Variants in DAOA observed in about 807,000 individuals in gnomAD.
DAOA encodes D-amino acid oxidase activator, also known as D-amino acid oxidase regulator.
DAOA carries 15 observed loss-of-function variants against 16.4 expected under a neutral mutation model. The observed-to-expected ratio is 0.91, with a 90% CI of 0.61 to 1.41. DAOA has a LOEUF of 1.41. Among genes scored for constraint, DAOA ranks in the 40% most tolerant of loss-of-function variants. The pLI is 0.00. For missense variants in DAOA, 230 were observed against 176.8 expected (o/e 1.30, Z -1.71); for synonymous variants, 75 against 59.1 (o/e 1.27, Z -1.23).
intron 4 of DAOA, among the ~76,000 whole-genome samples, chr13:105,483,323 T>A (rs1375279654): frequency 6.6e-6 from 1 of 152,192 alleles, no homozygotes; most frequent in African/African-American, 2.4e-5. Context: ...TGTGTAGAAG[T>A]CTTATAATGA....
At chr13:105,483,297 T>A (rs1877879166) in intron 4 of DAOA, among the ~76,000 whole-genome samples, 1 of 152,218 alleles carries the variant, frequency 6.6e-6, no homozygotes, top group South Asian at 2.1e-4. Flanking sequence ...CTGCTGTAAG[T>A]AAAGATGTGA....
intron 4 of DAOA, among the ~76,000 whole-genome samples, chr13:105,475,768 C>T (rs1298800698): frequency 6.6e-6 from 1 of 152,036 alleles, no homozygotes; most frequent in Non-Finnish European, 1.5e-5. Context: ...ATTTGAAATC[C>T]AATCATTTTT....
intron 4 of DAOA, among the ~76,000 whole-genome samples, chr13:105,480,845 A>C (rs1269474699): frequency 6.6e-6 from 1 of 152,126 alleles, no homozygotes; most frequent in African/African-American, 2.4e-5. Flanking sequence ...TCCTTCCTCT[A>C]TCTTATTCCA....
chr13:105,473,868 T>C lies in DAOA; in HGVS notation c.281+1183T>C, dbSNP rs1464367230. ...TAATCTTTTTGTACTACAGGAAAGC[T>C]ACTTAAATAAGCTCTACCATCTCTA... On this transcript the variant is annotated intron_variant, in intron 4 of 5. Transcript: ENST00000375936. Among the ~76,000 whole-genome samples the C allele has an allele frequency of 3.3e-5, 5 of 152,268 alleles. No individual in the cohort carries two copies. In the South Asian group the frequency reaches 1.0e-3, roughly 32 times the overall value.
In DAOA at chr13:105,490,146, CT is replaced by C; in HGVS notation, c.*66del. 1 of 1,499,458 alleles carries C rather than the reference CT, an allele frequency of 6.7e-7. No individual in the cohort carries two copies. The highest frequency in any genetic ancestry group is 1.4e-5 in the African/African-American group (1 of 71,678). The allele number at this position is 1,499,458 out of a possible 1,614,324, so 92.9% of individuals were successfully genotyped here. ...CAATGTAGTCTGGCCAACATCTTCA[CT>C]GGACTCTGACGGACTCTGTGTCTGG... is the stretch of plus-strand genomic sequence containing the variant. On this transcript the variant is annotated 3_prime_UTR_variant, in exon 5 of 6. Transcript: ENST00000375936.
At chr13:105,487,141 C>T (rs1011713772) in intron 4 of DAOA, among the ~76,000 whole-genome samples, 1 of 152,102 alleles carries the variant, frequency 6.6e-6, no homozygotes, top group Admixed American at 6.6e-5. Flanking sequence ...GAGAATAACA[C>T]AATTTTGCCA....
chr13:105,467,575 T>C (rs1876609387), intron 3 of DAOA: 1 of 135,384 alleles, frequency 7.4e-6, no homozygotes, highest in Non-Finnish European at 1.6e-5. Flanking sequence ...CAACGTTTAA[T>C]TCTTTTTCTT....
At chr13:105,472,866 A>T (rs1279224467) in intron 4 of DAOA, among the ~76,000 whole-genome samples, 181 bp downstream of exon 4, 2 of 152,216 alleles carry the variant, frequency 1.3e-5, no homozygotes, top group African/African-American at 4.8e-5. Context: ...TTTTAAAAGT[A>T]TCCACTGGCT....
intron 3 of DAOA, among the ~76,000 whole-genome samples, chr13:105,468,050 G>A (rs575165567): frequency 3.9e-5 from 6 of 152,176 alleles, no homozygotes; most frequent in South Asian, 4.1e-4. Context: ...GCCTTGGCTC[G>A]TGGCCTGCCC....
intron 2 of DAOA, 85 bp downstream of exon 2, chr13:105,466,417 G>T: frequency 1.3e-6 from 2 of 1,599,094 alleles, no homozygotes; most frequent in African/African-American, 1.3e-5. Flanking sequence ...CAGGGTGAAT[G>T]TTCCTGGAGA....
intron 4 of DAOA, among the ~76,000 whole-genome samples, chr13:105,478,945 T>G (rs1308838244): frequency 6.6e-6 from 1 of 152,226 alleles, no homozygotes; most frequent in East Asian, 1.9e-4. Context: ...TGTTGCTTTT[T>G]GTCTCACAGA....
chr13:105,483,734 CA>C lies in DAOA; in HGVS notation c.282-6164del, dbSNP rs1406991315. Among the ~76,000 whole-genome samples the C allele has an allele frequency of 2.0e-5, 3 of 151,760 alleles. No homozygotes were observed. In the East Asian group the frequency reaches 5.8e-4, roughly 29 times the overall value. The stretch of plus-strand genomic sequence containing the variant: ...GAGGTTTCTTTATACTTTCTGGATA[CA>C]AATCTTATATTAGATATAACCTTTG... On this transcript the variant is annotated intron_variant, in intron 4 of 5. Transcript: ENST00000375936.
chr13:105,474,807 T>G (rs1032998630), intron 4 of DAOA, among the ~76,000 whole-genome samples: 1 of 152,066 alleles, frequency 6.6e-6, no homozygotes, highest in Admixed American at 6.6e-5. Context: ...AAATAAAGAA[T>G]AGTTGAAGGA....
chr13:105,490,108 A>T lies in DAOA; in HGVS notation c.*27A>T. 4 of 1,537,984 alleles carry T rather than the reference A, an allele frequency of 2.6e-6. No homozygotes were observed. The South Asian group carries it at 4.9e-5, about 19-fold the overall frequency. On this transcript the variant is annotated 3_prime_UTR_variant, in exon 5 of 6. Coordinates refer to ENST00000375936, the MANE Select transcript of DAOA (RefSeq NM_172370.5). ...TTTGGAAGCAGATTCTTCCCAGCCA[A>T]TCCTTCTGATGACAATGTAGTCTGG...
intron 4 of DAOA, among the ~76,000 whole-genome samples, chr13:105,477,521 A>T (rs1455505580): frequency 6.6e-6 from 1 of 152,208 alleles, no homozygotes; most frequent in African/African-American, 2.4e-5. Flanking sequence ...TGAGCCCAGG[A>T]GTTCAAGACC....
At chr13:105,486,322 C>T (rs1007953553) in intron 4 of DAOA, among the ~76,000 whole-genome samples, 1 of 152,048 alleles carries the variant, frequency 6.6e-6, no homozygotes, top group African/African-American at 2.4e-5. Flanking sequence ...TGCCCCTCTC[C>T]TTGGAATACT....
chr13:105,466,163 T>C, intron 1 of DAOA, 53 bp from the exon 2 acceptor site: 1 of 1,454,354 alleles, frequency 6.9e-7, no homozygotes, highest in East Asian at 2.4e-5. Context: ...CACCCCAAAT[T>C]AGTGGCTTAA....
chr13:105,487,219 C>A lies in DAOA; in HGVS notation c.282-2682C>A, dbSNP rs558861245. Among the ~76,000 whole-genome samples the A allele has an allele frequency of 3.9e-5, 6 of 152,258 alleles. No individual in the cohort carries two copies. In the South Asian group the frequency reaches 1.0e-3, roughly 26 times the overall value. The stretch of plus-strand genomic sequence containing the variant: ...TTTAGCAATTATTTTGCACACGAAC[C>A]AAATCAGTCAAATGGACTGGCTTCT... On this transcript the variant is annotated intron_variant, in intron 4 of 5. Transcript: ENST00000375936.
At chr13:105,486,119 T>G (rs1270320112) in intron 4 of DAOA, among the ~76,000 whole-genome samples, 1 of 152,160 alleles carries the variant, frequency 6.6e-6, no homozygotes, top group Non-Finnish European at 1.5e-5. Flanking sequence ...TTGGAACATG[T>G]CATTGCCCTT....
Sources: allele counts gnomAD v4.1 joint callset (sites outside exome capture counted in the v4.1 genomes callset), GRCh38; gene constraint gnomAD v4.1.1; transcripts MANE v1.5; gene names NCBI Gene and HGNC (gene_info 2026-07-23, HGNC 2026-07-21).